The following SHISA6 variants were observed in gnomAD, a reference collection of about 807,000 sequenced individuals.
SHISA6 encodes protein shisa-6.
SHISA6 carries 22 observed loss-of-function variants against 47.9 expected under a neutral mutation model. The ratio of observed to expected loss-of-function variants is 0.46; its 90% CI spans 0.33 to 0.66. SHISA6 has a LOEUF of 0.66. Ranked by LOEUF, SHISA6 falls within the 30% of genes least tolerant of loss-of-function variation. The pLI is 0.02. For missense variants in SHISA6, 680 were observed against 764.6 expected (o/e 0.89, Z 1.30); for synonymous variants, 388 against 337.8 (o/e 1.15, Z -1.63).
intron 2 of SHISA6, among the ~76,000 whole-genome samples, chr17:11,274,975 C>G (rs1408187860): frequency 1.3e-5 from 2 of 151,994 alleles, no homozygotes; most frequent in South Asian, 2.1e-4. Context: ...GCCTGGAAAA[C>G]GGCGATGCAT....
At chr17:11,473,494 G>A (rs1359958920) in intron 3 of SHISA6, among the ~76,000 whole-genome samples, 3 of 152,036 alleles carry the variant, frequency 2.0e-5, no homozygotes, top group Non-Finnish European at 4.4e-5. Context: ...GCAAAGAGAG[G>A]GTAAGAGAGG....
At chr17:11,452,666 CCCT>C (rs1367313638) in intron 3 of SHISA6, among the ~76,000 whole-genome samples, 2 of 12,374 alleles carry the variant, frequency 1.6e-4, no homozygotes, top group Non-Finnish European at 3.1e-4. Context: ...CTTTCTCCTC[CCCT>C]CCTTCTCCTC....
intron 2 of SHISA6, among the ~76,000 whole-genome samples, chr17:11,368,044 C>T (rs1302567075): frequency 6.6e-6 from 1 of 152,240 alleles, no homozygotes; most frequent in South Asian, 2.1e-4. Context: ...CTCACATGAC[C>T]CACTTTTCCA....
At chr17:11,243,945 C>T (rs1438803585) in intron 1 of SHISA6, among the ~76,000 whole-genome samples, 1 of 152,204 alleles carries the variant, frequency 6.6e-6, no homozygotes, top group African/African-American at 2.4e-5. Flanking sequence ...TCGTCATCGC[C>T]TGGGATGATA....
rs1262042714 is a variant in SHISA6, at chr17:11,496,281, C to T, written c.896-55615C>T. On this transcript the variant is annotated intron_variant, in intron 3 of 5. Transcript: ENST00000441885. Reference sequence around the variant, plus strand: ...TTTCTGCCTCCCAAAACTTCTTTAACACCCTTCCATCCACCACAGGTGAGA... The same window carrying T: ...TTTCTGCCTCCCAAAACTTCTTTAATACCCTTCCATCCACCACAGGTGAGA... Among the ~76,000 whole-genome samples the T allele has an allele frequency of 2.0e-5, 3 of 152,212 alleles. No individual in the cohort carries two copies. The East Asian group carries it at 5.8e-4, about 29-fold the overall frequency.
chr17:11,384,366 G>A (rs1913126495), intron 3 of SHISA6, among the ~76,000 whole-genome samples: 1 of 152,190 alleles, frequency 6.6e-6, no homozygotes, highest in Admixed American at 6.5e-5. Context: ...AAAAAGATAA[G>A]CCAGGAGTTA....
At chr17:11,339,143 AC>A in intron 2 of SHISA6, among the ~76,000 whole-genome samples, 1 of 151,194 alleles carries the variant, frequency 6.6e-6, no homozygotes, top group Admixed American at 6.6e-5. Flanking sequence ...GTGCACATGT[AC>A]CCTAGAACTT....
chr17:11,375,586 A>G (rs1002348998), intron 2 of SHISA6, among the ~76,000 whole-genome samples: 2 of 151,988 alleles, frequency 1.3e-5, no homozygotes, highest in African/African-American at 2.4e-5. Context: ...TCTGTTTCAC[A>G]GAGAAACTTT....
intron 2 of SHISA6, among the ~76,000 whole-genome samples, chr17:11,347,086 G>A (rs1282373751): frequency 6.6e-6 from 1 of 151,942 alleles, no homozygotes; most frequent in Non-Finnish European, 1.5e-5. Context: ...GGATGGTGAT[G>A]ATTCATCTTC....
chr17:11,510,861 A>G (rs899030490), intron 3 of SHISA6, among the ~76,000 whole-genome samples: 8 of 152,192 alleles, frequency 5.3e-5, no homozygotes, highest in African/African-American at 1.9e-4. Context: ...GTTAGTGCAG[A>G]AGAGTCAGCA....
intron 2 of SHISA6, among the ~76,000 whole-genome samples, chr17:11,306,546 C>G (rs1910116304): frequency 6.6e-6 from 1 of 152,140 alleles, no homozygotes; most frequent in Non-Finnish European, 1.5e-5. Context: ...TTGGGGTCTT[C>G]GTTTGTGTCC....
chr17:11,350,143 C>T (rs1339710527), intron 2 of SHISA6, among the ~76,000 whole-genome samples: 5 of 150,446 alleles, frequency 3.3e-5, no homozygotes, highest in Admixed American at 6.6e-5. Flanking sequence ...AGGCAGGCAC[C>T]GCCATGCCCG....
At chr17:11,528,824 A>T (rs2071708942) in intron 3 of SHISA6, among the ~76,000 whole-genome samples, 1 of 152,184 alleles carries the variant, frequency 6.6e-6, no homozygotes, top group South Asian at 2.1e-4. Context: ...CTCCTTTTAT[A>T]GTCAACTGCT....
At chr17:11,528,289 T>C (rs188332536) in intron 3 of SHISA6, among the ~76,000 whole-genome samples, 33 of 152,272 alleles carry the variant, frequency 2.2e-4, no homozygotes, top group African/African-American at 7.2e-4. Flanking sequence ...TTAAATTAAA[T>C]GAGGGATATA....
intron 3 of SHISA6, among the ~76,000 whole-genome samples, chr17:11,473,668 G>A (rs1351183583): frequency 6.6e-6 from 1 of 151,980 alleles, no homozygotes; most frequent in East Asian, 1.9e-4. Flanking sequence ...GAAGCATTTG[G>A]TGTTATGGAA....
At chr17:11,380,100 G>A (rs1404338172) in intron 3 of SHISA6, 1 of 152,440 alleles carries the variant, frequency 6.6e-6, no homozygotes, top group African/African-American at 2.4e-5. Context: ...TCTGTGCAGG[G>A]GGCATGGACT....
chr17:11,471,794 G>A (rs1335666115), intron 3 of SHISA6, among the ~76,000 whole-genome samples: 1 of 152,156 alleles, frequency 6.6e-6, no homozygotes, highest in South Asian at 2.1e-4. Flanking sequence ...ATTTTTTAGA[G>A]CAGTTTTAGT....
intron 2 of SHISA6, among the ~76,000 whole-genome samples, chr17:11,293,418 G>A (rs1459738233): frequency 1.3e-5 from 2 of 152,110 alleles, no homozygotes; most frequent in Non-Finnish European, 2.9e-5. Context: ...CCAGAGATTC[G>A]GCAGTGCCCT....
intron 2 of SHISA6, among the ~76,000 whole-genome samples, chr17:11,312,202 T>C (rs1910362787): frequency 6.6e-6 from 1 of 152,298 alleles, no homozygotes; most frequent in South Asian, 2.1e-4. Flanking sequence ...ATTGCCACTT[T>C]TATCCATTAA....
Sources: gnomAD v4.1 joint callset for allele counts (sites outside exome capture counted in the v4.1 genomes callset) on GRCh38, gnomAD v4.1.1 for gene constraint, MANE v1.5 for transcripts, NCBI Gene and HGNC (gene_info 2026-07-23, HGNC 2026-07-21) for gene names.